GRIN2B: variants seen among roughly 807,000 people sequenced by gnomAD.
GRIN2B encodes the protein glutamate receptor ionotropic, NMDA 2B.
In GRIN2B, 5 loss-of-function variants were observed where a neutral mutation model predicts 114.5. The observed-to-expected ratio is 0.04, with a 90% CI of 0.02 to 0.09. The LOEUF (loss-of-function observed/expected upper bound fraction) is 0.09. Among genes scored for constraint, GRIN2B ranks in the 10% least tolerant of loss-of-function variants. The pLI is 1.00. For synonymous variants in GRIN2B, 787 were observed against 745.1 expected (o/e 1.06, Z -0.92); for missense variants, 1,108 against 1,943.5 (o/e 0.57, Z 8.08).
chr12:13,564,727 C>G lies in GRIN2B; in HGVS notation c.2599-88G>C, dbSNP rs1470744321. The G allele has an allele frequency of 1.7e-5, 20 of 1,150,010 alleles. No individual in the cohort carries two copies. Among genetic ancestry groups the G allele is most frequent in the Non-Finnish European group, 2.3e-5 (18 of 766,014 alleles). The allele number at this position is 1,150,010 out of a possible 1,614,324, so 71.2% of individuals were successfully genotyped here. ...ACTCTCCCACCAATAATTGCTCCAA[C>G]TGGATAAGAAAAAGGGAAAGCATGA... is the stretch of plus-strand genomic sequence containing the variant. On this transcript the variant is annotated intron_variant, in intron 13 of 13. Coordinates refer to ENST00000609686, the MANE Select transcript of GRIN2B (RefSeq NM_000834.5). This position sits in a 1 kb window ranked among gnomAD's most constrained non-coding sequence, Gnocchi z 4.8.
chr12:13,865,764 C>T (rs201458933), intron 3 of GRIN2B, 34 bp downstream of exon 3: 110 of 1,548,634 alleles, frequency 7.1e-5, no homozygotes, highest in Non-Finnish European at 9.1e-5. Context: ...TCAGCACAAA[C>T]CCTCAGGCCC....
intron 4 of GRIN2B, among the ~76,000 whole-genome samples, chr12:13,686,097 C>T (rs1216710326): frequency 6.6e-6 from 1 of 152,120 alleles, no homozygotes; most frequent in Admixed American, 6.6e-5. Flanking sequence ...ATCAGTCAAA[C>T]CCACATCTTA....
intron 13 of GRIN2B, among the ~76,000 whole-genome samples, chr12:13,566,040 C>T (rs1948634913): frequency 6.6e-6 from 1 of 152,134 alleles, no homozygotes. Context: ...GGAAGGGCTA[C>T]CAAGGAAGCA....
intron 3 of GRIN2B, among the ~76,000 whole-genome samples, chr12:13,757,447 C>T (rs1863595970): frequency 1.3e-5 from 2 of 152,122 alleles, no homozygotes; most frequent in Non-Finnish European, 2.9e-5. Context: ...GGCCACACAT[C>T]CATCTTTGCA....
chr12:13,584,591 A>C (rs1308603350), intron 10 of GRIN2B, among the ~76,000 whole-genome samples: 1 of 152,242 alleles, frequency 6.6e-6, no homozygotes. Context: ...CTGGTGAATA[A>C]GGAGTTAATG....
chr12:13,789,242 A>G (rs1294500689), intron 3 of GRIN2B, among the ~76,000 whole-genome samples: 1 of 152,144 alleles, frequency 6.6e-6, no homozygotes, highest in Non-Finnish European at 1.5e-5. Context: ...AAAATGAAAA[A>G]CCACTGGCAA....
At chr12:13,781,764 G>A (rs1022044003) in intron 3 of GRIN2B, among the ~76,000 whole-genome samples, 3 of 152,128 alleles carry the variant, frequency 2.0e-5, no homozygotes, top group African/African-American at 4.8e-5. Context: ...CAATCTGAAT[G>A]GAATGGATTC....
intron 5 of GRIN2B, among the ~76,000 whole-genome samples, chr12:13,670,691 A>C (rs903396076): frequency 2.6e-5 from 4 of 152,014 alleles, no homozygotes; most frequent in African/African-American, 9.7e-5. Context: ...CCCAGTCTGC[A>C]CACAATGATT....
intron 2 of GRIN2B, among the ~76,000 whole-genome samples, chr12:13,976,419 T>A (rs1232943846): frequency 1.3e-5 from 2 of 152,214 alleles, no homozygotes; most frequent in Admixed American, 1.3e-4. Context: ...AGAATGGCAC[T>A]GAGGAAAAAG....
At chr12:13,634,408 G>A (rs1949647411) in intron 5 of GRIN2B, among the ~76,000 whole-genome samples, 1 of 152,220 alleles carries the variant, frequency 6.6e-6, no homozygotes, top group Non-Finnish European at 1.5e-5. Context: ...CATTGAGGTT[G>A]GCAGGGCAGC....
intron 2 of GRIN2B, among the ~76,000 whole-genome samples, chr12:13,880,497 C>G (rs921641239): frequency 6.6e-6 from 1 of 152,128 alleles, no homozygotes; most frequent in Admixed American, 6.5e-5. Flanking sequence ...TTATCCTCAG[C>G]TTCCTAGGTG....
At chr12:13,816,119 C>T (rs1864818740) in intron 3 of GRIN2B, among the ~76,000 whole-genome samples, 1 of 152,172 alleles carries the variant, frequency 6.6e-6, no homozygotes, top group African/African-American at 2.4e-5. Flanking sequence ...TGAAAAACAG[C>T]ACACGTGGAC....
intron 2 of GRIN2B, among the ~76,000 whole-genome samples, chr12:13,896,795 A>C (rs1372176228): frequency 6.6e-6 from 1 of 152,208 alleles, no homozygotes; most frequent in African/African-American, 2.4e-5. Context: ...CTATGTAGCA[A>C]GCACTACCGA....
chr12:13,770,222 G>A (rs1381277298), intron 3 of GRIN2B, among the ~76,000 whole-genome samples: 1 of 152,160 alleles, frequency 6.6e-6, no homozygotes, highest in Admixed American at 6.5e-5. Context: ...TAAGAATTTA[G>A]GATGAAAGAA....
At chr12:13,937,628 C>A (rs1867153189) in intron 2 of GRIN2B, among the ~76,000 whole-genome samples, 1 of 151,802 alleles carries the variant, frequency 6.6e-6, no homozygotes, top group African/African-American at 2.4e-5. Context: ...GGAAACAACA[C>A]AAGATGAAAA....
At chr12:13,868,892 T>C (rs1370350503) in intron 2 of GRIN2B, among the ~76,000 whole-genome samples, 1 of 152,190 alleles carries the variant, frequency 6.6e-6, no homozygotes, top group East Asian at 1.9e-4. Context: ...AGAGGCTACT[T>C]TGAATACAAA....
chr12:13,829,487 T>C (rs1257271266), intron 3 of GRIN2B, among the ~76,000 whole-genome samples: 1 of 152,230 alleles, frequency 6.6e-6, no homozygotes, highest in Non-Finnish European at 1.5e-5. Context: ...GCCCTTAACG[T>C]TGCCACTGCC....
chr12:13,810,369 T>C (rs220588), intron 3 of GRIN2B, among the ~76,000 whole-genome samples: 148,588 of 151,888 alleles, frequency 0.98, 72,761 homozygotes, highest in Middle Eastern at 1. Flanking sequence ...TGTGTGTGTG[T>C]GCGCGCATTT....
intron 3 of GRIN2B, among the ~76,000 whole-genome samples, chr12:13,857,594 G>A (rs543410158): frequency 3.3e-4 from 50 of 152,300 alleles, no homozygotes; most frequent in South Asian, 1.9e-3. Context: ...AGGGTTTGGC[G>A]TGAGACAAGG....
Sources: allele counts gnomAD v4.1 joint callset (sites outside exome capture counted in the v4.1 genomes callset), GRCh38; gene constraint gnomAD v4.1.1; non-coding constraint Gnocchi (gnomAD v3.1); transcripts MANE v1.5; gene names NCBI Gene and HGNC (gene_info 2026-07-23, HGNC 2026-07-21).